Variants in EPM2A observed in about 807,000 individuals in gnomAD.
The protein encoded by EPM2A is laforin.
Under a neutral mutation model 26.5 loss-of-function variants are expected in EPM2A, and 21 were observed. The ratio of observed to expected loss-of-function variants is 0.79; its 90% CI spans 0.56 to 1.14. EPM2A has a LOEUF of 1.14. Among genes scored for constraint, EPM2A ranks in the 50% most tolerant of loss-of-function variants. The pLI, the probability that EPM2A is intolerant of heterozygous loss-of-function variation, is 0.00. For missense variants in EPM2A, 458 were observed against 440.8 expected (o/e 1.04, Z -0.35); for synonymous variants, 217 against 177.6 (o/e 1.22, Z -1.76).
intron 2 of EPM2A, among the ~76,000 whole-genome samples, chr6:145,585,477 GTCTTT>G (rs1373032469): frequency 6.6e-6 from 1 of 152,056 alleles, no homozygotes; most frequent in East Asian, 1.9e-4. Flanking sequence ...AAGTTCACTA[GTCTTT>G]TCTTCTGCAA....
chr6:145,622,391 T>C (rs776696698), downstream of EPM2A, among the ~76,000 whole-genome samples: 23 of 152,224 alleles, frequency 1.5e-4, no homozygotes, highest in Non-Finnish European at 2.4e-4. Flanking sequence ...AGGTAGTTGT[T>C]TTCTGTAGTG....
chr6:145,684,782 A>G (rs1332123626), intron 2 of EPM2A: 1 of 128,846 alleles, frequency 7.8e-6, no homozygotes, highest in African/African-American at 3.1e-5. Context: ...AGTCTTCCCC[A>G]TCTCAGTAAG....
At chr6:145,440,646 A>G (rs1779049843) in intron 4 of EPM2A, among the ~76,000 whole-genome samples, 1 of 152,242 alleles carries the variant, frequency 6.6e-6, no homozygotes, top group Non-Finnish European at 1.5e-5. Context: ...TTGGTTAAAT[A>G]CAACCATTCC....
At chr6:145,503,033 C>T (rs888770102) in intron 2 of EPM2A, among the ~76,000 whole-genome samples, 4 of 152,170 alleles carry the variant, frequency 2.6e-5, no homozygotes, top group Admixed American at 6.6e-5. Context: ...TTTAGTGATG[C>T]TTCCATAACC....
chr6:145,510,957 A>G (rs773973395), intron 2 of EPM2A, among the ~76,000 whole-genome samples: 1 of 152,226 alleles, frequency 6.6e-6, no homozygotes, highest in Non-Finnish European at 1.5e-5. Flanking sequence ...AGAGACTACT[A>G]TGAACATGTC....
At chr6:145,608,746 G>A (rs1481134739) in intron 2 of EPM2A, among the ~76,000 whole-genome samples, 1 of 152,142 alleles carries the variant, frequency 6.6e-6, no homozygotes, top group Non-Finnish European at 1.5e-5. Flanking sequence ...GCATGCCATG[G>A]AGAAAAAGGC....
intron 2 of EPM2A, among the ~76,000 whole-genome samples, chr6:145,579,147 T>TATAATAATA (rs61508971): frequency 2.8e-4 from 42 of 150,790 alleles, no homozygotes; most frequent in African/African-American, 8.8e-4. Flanking sequence ...AACTTAAAAG[T>TATAATAATA]ATAATAATAA....
chr6:145,489,553 G>A lies in EPM2A; in HGVS notation c.555+12969C>T. On this transcript the variant is annotated intron_variant, in intron 4 of 4. Coordinates refer to the EPM2A transcript ENST00000638717. ...TTAACTTTGGTCCACTTGTCTGTTA[G>A]CTTAAGGACAGTCATACTGCCCATA... 5.5e-6 allele frequency: 4 copies of A among 724,370 alleles called. No homozygotes were observed. In the African/African-American group the frequency reaches 7.1e-5, roughly 13 times the overall value. 44.9% of individuals were successfully genotyped at this position (724,370 alleles called of 1,614,324 possible).
At chr6:145,406,101 A>G (rs750775674) in intron 4 of EPM2A, among the ~76,000 whole-genome samples, 13 of 152,070 alleles carry the variant, frequency 8.5e-5, no homozygotes, top group Non-Finnish European at 1.9e-4. Context: ...TAATTTGTTT[A>G]GGTTATTACC....
intron 4 of EPM2A, among the ~76,000 whole-genome samples, chr6:145,406,042 A>G (rs9376930): frequency 0.38 from 56,840 of 151,368 alleles, 10,933 homozygotes; most frequent in South Asian, 0.46. Context: ...CACACAGTAT[A>G]TTATTTAAAC....
At chr6:145,450,036 A>G (rs1423198487) in intron 4 of EPM2A, among the ~76,000 whole-genome samples, 2 of 151,966 alleles carry the variant, frequency 1.3e-5, no homozygotes, top group Non-Finnish European at 2.9e-5. Flanking sequence ...AATAGACAAC[A>G]CAAGTCTTAA....
At chr6:145,582,011 G>T (rs886262745) in intron 2 of EPM2A, among the ~76,000 whole-genome samples, 4 of 151,104 alleles carry the variant, frequency 2.6e-5, no homozygotes, top group African/African-American at 4.8e-5. Context: ...CAGTGGTAAG[G>T]TTCCTCTATG....
At position 145,650,207 on chromosome 6, in the gene EPM2A, A is replaced by G. The variant is rs376775410; in HGVS notation, c.477-14721T>C. Among the ~76,000 whole-genome samples the G allele has an allele frequency of 9.8e-4, 149 of 152,252 alleles. 1 individual carries two copies. The highest frequency in any genetic ancestry group is 3.4e-3 in the African/African-American group (142 of 41,542). ...TGGTTAAAGATGCTTTTGTATGATG[A>G]GCACTTTCTCCTCTCATTTCCCCAA... On this transcript the variant is annotated intron_variant, in intron 2 of 3. Coordinates refer to ENST00000367519, the MANE Select transcript of EPM2A (RefSeq NM_005670.4).
In EPM2A at chr6:145,670,396, C is replaced by T. The variant is rs1289350140; in HGVS notation, c.476+15726G>A. 3.3e-5 allele frequency: 5 copies of T among 152,168 alleles called. 1 individual carries two copies. In the East Asian group the frequency reaches 9.6e-4, roughly 29 times the overall value. 9.4% of individuals were successfully genotyped at this position (152,168 alleles called of 1,614,324 possible). On this transcript the variant is annotated intron_variant, in intron 2 of 3. Transcript: ENST00000367519. ...CAACCTGAGATCTAGCAGTCAAGCTCTCTCCTTTCCAGTCTTCCTTTCATT... is the reference window on the plus strand; with the variant it reads ...CAACCTGAGATCTAGCAGTCAAGCTTTCTCCTTTCCAGTCTTCCTTTCATT...
intron 4 of EPM2A, among the ~76,000 whole-genome samples, chr6:145,441,265 C>A (rs1295756453): frequency 6.6e-6 from 1 of 152,212 alleles, no homozygotes; most frequent in Non-Finnish European, 1.5e-5. Flanking sequence ...GTCATGGCTA[C>A]AGCAGCTGGG....
intron 4 of EPM2A, among the ~76,000 whole-genome samples, chr6:145,427,495 A>G (rs1215019742): frequency 6.6e-6 from 1 of 152,078 alleles, no homozygotes; most frequent in African/African-American, 2.4e-5. Context: ...TCAGAGAGGT[A>G]ATAGGGGTGG....
At chr6:145,493,065 T>C (rs1188218287) in intron 4 of EPM2A, among the ~76,000 whole-genome samples, 1 of 152,154 alleles carries the variant, frequency 6.6e-6, no homozygotes, top group Non-Finnish European at 1.5e-5. Context: ...TCTCATGGCA[T>C]AATGTACCCC....
At chr6:145,597,183 C>T (rs559226853) in intron 2 of EPM2A, among the ~76,000 whole-genome samples, 3 of 151,574 alleles carry the variant, frequency 2.0e-5, no homozygotes, top group Non-Finnish European at 1.5e-5. Context: ...CGTGAGCCAC[C>T]GCGCCCGGCC....
In EPM2A at chr6:145,735,272, G is replaced by T; in HGVS notation, c.227C>A (p.Ala76Glu). ...GAACGTGTCCACGCGGCCCGGCTCC[G>T]CCCCGTCCTGCGCCGCCTCCTCGGC... is the stretch of plus-strand genomic sequence containing the variant. ...LAAEEAAQDG[A>E]EPGRVDTFWY... Residue 76 changes from alanine (A) to glutamate (E), a missense_variant, in exon 1 of 4, where the codon GCG becomes GAG. Physicochemically the swap from Ala to Glu is moderately radical, Grantham distance 107. Transcript: ENST00000367519. 6.7e-7 allele frequency: 1 copy of T among 1,502,462 alleles called. No individual in the cohort carries two copies. The highest frequency in any genetic ancestry group is 8.9e-7 in the Non-Finnish European group (1 of 1,123,306). 93.1% of individuals were successfully genotyped at this position (1,502,462 alleles called of 1,614,324 possible).
Sources: gnomAD v4.1 joint callset for allele counts (sites outside exome capture counted in the v4.1 genomes callset) on GRCh38, gnomAD v4.1.1 for gene constraint, MANE v1.5 for transcripts, NCBI Gene and HGNC (gene_info 2026-07-23, HGNC 2026-07-21) for gene names.